Variants in WWOX observed in about 807,000 individuals in gnomAD.
WWOX encodes WW domain-containing oxidoreductase.
A neutral mutation model predicts 46.2 loss-of-function variants in WWOX; 69 were observed. The observed-to-expected ratio is 1.49, with a 90% confidence interval of 1.23 to 1.82. The LOEUF is 1.82. Among genes scored for constraint, WWOX ranks in the 40% most tolerant of loss-of-function variants. The pLI, the probability that WWOX is intolerant of heterozygous loss-of-function variation, is 0.00. For synonymous variants in WWOX, 359 were observed against 202.6 expected (o/e 1.77, Z -6.56); for missense variants, 919 against 542.6 (o/e 1.69, Z -6.89).
chr16:78,883,052 T>G (rs189082240), intron 8 of WWOX, among the ~76,000 whole-genome samples: 3 of 152,292 alleles, frequency 2.0e-5, no homozygotes, highest in Admixed American at 2.0e-4. Flanking sequence ...AGGAAGCACC[T>G]TAGCGGTTCG....
intron 5 of WWOX, among the ~76,000 whole-genome samples, chr16:78,249,794 G>GT (rs938441526): frequency 4.2e-4 from 62 of 147,958 alleles, no homozygotes; most frequent in Admixed American, 1.5e-3. Context: ...CTTTTGAACG[G>GT]TGAACATTCC....
At chr16:78,778,218 C>A (rs2050239940) in intron 8 of WWOX, among the ~76,000 whole-genome samples, 1 of 152,014 alleles carries the variant, frequency 6.6e-6, no homozygotes. Context: ...TACCAGGCAG[C>A]CTATTTCTTG....
chr16:78,943,210 A>G (rs981038752), intron 8 of WWOX, among the ~76,000 whole-genome samples: 2 of 152,180 alleles, frequency 1.3e-5, no homozygotes, highest in Non-Finnish European at 2.9e-5. Flanking sequence ...CACTTTACAA[A>G]TAACCTCTTC....
chr16:79,080,130 G>C (rs12935535), intron 8 of WWOX, among the ~76,000 whole-genome samples: 3,758 of 152,250 alleles, frequency 0.025, 49 homozygotes, highest in African/African-American at 0.042. Flanking sequence ...TAGGAAAAAA[G>C]GTTAGGGAGC....
At chr16:78,576,391 T>C (rs1360002810) in intron 8 of WWOX, among the ~76,000 whole-genome samples, 1 of 152,230 alleles carries the variant, frequency 6.6e-6, no homozygotes, top group African/African-American at 2.4e-5. Context: ...AGCATAGAGC[T>C]ATGATGTGTT....
intron 8 of WWOX, chr16:78,996,305 G>C (rs2151355737): frequency 5.1e-6 from 5 of 984,250 alleles, no homozygotes; most frequent in Non-Finnish European, 6.0e-6. Flanking sequence ...ATCTTGCCTT[G>C]TGGATGTTTT....
intron 5 of WWOX, chr16:78,168,236 A>C (rs1301998577): frequency 6.6e-6 from 1 of 152,162 alleles, no homozygotes; most frequent in East Asian, 1.9e-4. Flanking sequence ...TTCCCTGCCC[A>C]TTCTTCCTCT....
intron 6 of WWOX, among the ~76,000 whole-genome samples, chr16:78,417,260 G>C (rs993777345): frequency 2.0e-5 from 3 of 151,872 alleles, no homozygotes; most frequent in African/African-American, 7.3e-5. Context: ...TTAGTTTTGA[G>C]TTTTTAATTT....
intron 6 of WWOX, among the ~76,000 whole-genome samples, chr16:78,399,070 G>C (rs1000657387): frequency 2.6e-5 from 4 of 151,504 alleles, no homozygotes; most frequent in African/African-American, 9.7e-5. Flanking sequence ...GGGATAGGTG[G>C]CTGGCTGGCT....
intron 8 of WWOX, among the ~76,000 whole-genome samples, chr16:78,978,648 C>T (rs557905785): frequency 2.6e-5 from 4 of 152,240 alleles, no homozygotes; most frequent in African/African-American, 9.6e-5. Flanking sequence ...ATAATCATGG[C>T]AGAAGGTAAA....
intron 8 of WWOX, among the ~76,000 whole-genome samples, chr16:79,023,267 T>C (rs2047571257): frequency 6.6e-6 from 1 of 152,216 alleles, no homozygotes; most frequent in African/African-American, 2.4e-5. Flanking sequence ...TGTTCTCCCT[T>C]TGCATTTATG....
At chr16:79,138,184 C>T (rs912010203) in intron 8 of WWOX, among the ~76,000 whole-genome samples, 1 of 152,008 alleles carries the variant, frequency 6.6e-6, no homozygotes, top group South Asian at 2.1e-4. Flanking sequence ...CTTGGATGCC[C>T]CACTTTCCAA....
intron 8 of WWOX, among the ~76,000 whole-genome samples, chr16:78,969,804 G>A (rs6564628): frequency 0.062 from 9,438 of 152,196 alleles, 1,019 homozygotes; most frequent in African/African-American, 0.21. Flanking sequence ...AGGCAAATCT[G>A]CAGAAACAGA....
At chr16:78,917,234 C>T (rs763235173) in intron 8 of WWOX, among the ~76,000 whole-genome samples, 1 of 152,210 alleles carries the variant, frequency 6.6e-6, no homozygotes, top group East Asian at 1.9e-4. Flanking sequence ...TTACTGCAGA[C>T]CTCCCAAAGC....
Position 78,753,105 on chromosome 16 carries a change from G to C in WWOX, c.1056+320353G>C, listed in dbSNP as rs188522195. 2.6e-4 allele frequency among the ~76,000 whole-genome samples: 39 copies of C among 152,236 alleles called. No individual in the cohort carries two copies. The East Asian group carries it at 7.5e-3, about 29-fold the overall frequency. On this transcript the variant is annotated intron_variant, in intron 8 of 8. Coordinates refer to ENST00000566780, the MANE Select transcript of WWOX (RefSeq NM_016373.4). ...AGGTCAGGAGATGGAGACCATCCTG[G>C]CTAACATGGTGAAACCCCGTCTCTA...
chr16:78,390,033 C>T (rs911532122), intron 6 of WWOX, among the ~76,000 whole-genome samples: 3 of 152,238 alleles, frequency 2.0e-5, no homozygotes, highest in Admixed American at 6.5e-5. Flanking sequence ...AGGCGTGAGC[C>T]ACCCTGCCCG....
At chr16:78,839,306 G>A (rs952827789) in intron 8 of WWOX, among the ~76,000 whole-genome samples, 1 of 151,904 alleles carries the variant, frequency 6.6e-6, no homozygotes, top group Non-Finnish European at 1.5e-5. Context: ...AAATGGAGAG[G>A]TTTTAAAATG....
intron 8 of WWOX, among the ~76,000 whole-genome samples, chr16:78,714,183 A>G (rs1159006223): frequency 6.6e-6 from 1 of 152,178 alleles, no homozygotes; most frequent in Non-Finnish European, 1.5e-5. Flanking sequence ...TATGTCCTAT[A>G]TTAGTCTATT....
chr16:78,366,911 G>A (rs968084046), intron 5 of WWOX, among the ~76,000 whole-genome samples: 4 of 150,804 alleles, frequency 2.7e-5, no homozygotes, highest in African/African-American at 9.8e-5. Context: ...CCTGGGGGGT[G>A]GATGTAGGAG....
Sources: allele counts gnomAD v4.1 joint callset (sites outside exome capture counted in the v4.1 genomes callset), GRCh38; gene constraint gnomAD v4.1.1; transcripts MANE v1.5; gene names NCBI Gene and HGNC (gene_info 2026-07-23, HGNC 2026-07-21).